Variants in CTDSPL2 observed in about 807,000 individuals in gnomAD.
The protein encoded by CTDSPL2 is CTD small phosphatase-like protein 2.
Under a neutral mutation model 60.0 loss-of-function variants are expected in CTDSPL2, and 5 were observed. The ratio of observed to expected loss-of-function variants is 0.08; its 90% CI spans 0.04 to 0.18. The LOEUF is 0.18. Among genes scored for constraint, CTDSPL2 ranks in the 10% least tolerant of loss-of-function variants. The probability of loss-of-function intolerance (pLI) is 1.00; values close to 1 mark genes in which losing one functional copy is unlikely to be tolerated. For missense variants in CTDSPL2, 370 were observed against 548.8 expected (o/e 0.67, Z 3.26); for synonymous variants, 186 against 189.3 (o/e 0.98, Z 0.14).
At chr15:44,512,231 G>A (rs559485420) in intron 8 of CTDSPL2, among the ~76,000 whole-genome samples, 8 of 152,060 alleles carry the variant, frequency 5.3e-5, no homozygotes, top group African/African-American at 1.7e-4. Flanking sequence ...AACTTTTTGA[G>A]CACTGACATG....
intron 2 of CTDSPL2, among the ~76,000 whole-genome samples, chr15:44,462,700 CTTTTTT>C (rs554319789): frequency 5.9e-4 from 49 of 83,744 alleles, no homozygotes; most frequent in African/African-American, 2.7e-3. Context: ...ACACTCAGGA[CTTTTTT>C]TTTTTTTTTT....
At chr15:44,484,461 G>A (rs2140785061) in intron 3 of CTDSPL2, 99 bp downstream of exon 3, 1 of 1,156,046 alleles carries the variant, frequency 8.7e-7, no homozygotes, top group East Asian at 2.6e-5. Context: ...GAGGCCGGGT[G>A]CAGTGGCTCA....
At chr15:44,430,472 C>G (rs2079834438) in intron 1 of CTDSPL2, among the ~76,000 whole-genome samples, 1 of 151,890 alleles carries the variant, frequency 6.6e-6, no homozygotes, top group South Asian at 2.1e-4. Context: ...CTTTGCAACT[C>G]CTGGCTACAA....
Position 44,523,443 on chromosome 15 carries a change from CATAA to C in CTDSPL2, c.1336-665_1336-662del, listed in dbSNP as rs753342192. Among the ~76,000 whole-genome samples the C allele has an allele frequency of 2.4e-5, 3 of 126,784 alleles. No homozygotes were observed. In the Admixed American group the frequency reaches 2.5e-4, roughly 11 times the overall value. 83.2% of individuals were successfully genotyped at this position (126,784 alleles called of 152,430 possible). On this transcript the variant is annotated intron_variant, in intron 12 of 12. Coordinates refer to ENST00000260327, the MANE Select transcript of CTDSPL2 (RefSeq NM_016396.3). ...ACATACATACATACATACATACATA[CATAA>C]GCAAGCAAGCTTGCTGGGCATTGTG...
In CTDSPL2 at chr15:44,525,011, A is replaced by G. The variant is rs531595295; in HGVS notation, c.*837A>G. On this transcript the variant is annotated 3_prime_UTR_variant, in exon 13 of 13. Coordinates refer to ENST00000260327, the MANE Select transcript of CTDSPL2 (RefSeq NM_016396.3). ...TATTCTCAAATGGTAATATCTTGCA[A>G]TGGCACACAGATTTAATGGATAAAG... 13 of 170,028 alleles carry G rather than the reference A, an allele frequency of 7.6e-5. No homozygotes were observed. The highest frequency in any genetic ancestry group is 2.8e-3 in the Middle Eastern group (1 of 362). 10.5% of individuals were successfully genotyped at this position (170,028 alleles called of 1,614,324 possible).
chr15:44,483,000 C>T (rs146875672), intron 2 of CTDSPL2, among the ~76,000 whole-genome samples: 4,068 of 152,108 alleles, frequency 0.027, 90 homozygotes, highest in East Asian at 0.098. Flanking sequence ...GTGGCTCATG[C>T]CTGTAATCCC....
chr15:44,506,775 CTTT>C, intron 8 of CTDSPL2, among the ~76,000 whole-genome samples: 1 of 149,892 alleles, frequency 6.7e-6, no homozygotes, highest in African/African-American at 2.4e-5. Context: ...TTTGCAGGAA[CTTT>C]TTTTTTGAGA....
At position 44,462,700 on chromosome 15, in the gene CTDSPL2, CTT is replaced by C. The variant is rs554319789; in HGVS notation, c.186+3523_186+3524del. ...GACTCTTGAACTAGAACACTCAGGA[CTT>C]TTTTTTTTTTTTTTTTTTTTTTGAG... On this transcript the variant is annotated intron_variant, in intron 2 of 12. Coordinates refer to ENST00000260327, the MANE Select transcript of CTDSPL2 (RefSeq NM_016396.3). Among the ~76,000 whole-genome samples the C allele has an allele frequency of 6.7e-3, 561 of 83,654 alleles. 2 individuals carry two copies. Among genetic ancestry groups the C allele is most frequent in the African/African-American group, 0.031 (527 of 16,962 alleles). 54.9% of individuals were successfully genotyped at this position (83,654 alleles called of 152,430 possible).
chr15:44,505,474 C>T (rs953281272), intron 8 of CTDSPL2, among the ~76,000 whole-genome samples: 1 of 151,922 alleles, frequency 6.6e-6, no homozygotes, highest in Non-Finnish European at 1.5e-5. Context: ...TGGCTCACAC[C>T]TCTAATCCCA....
At chr15:44,448,880 C>T (rs1431402565) in intron 1 of CTDSPL2, 1 of 412,286 alleles carries the variant, frequency 2.4e-6, no homozygotes, top group Admixed American at 3.6e-5. Context: ...AGCAGTTGGC[C>T]ATTGAATGTA....
intron 2 of CTDSPL2, among the ~76,000 whole-genome samples, chr15:44,472,404 C>T (rs75523882): frequency 0.047 from 7,137 of 152,108 alleles, 323 homozygotes; most frequent in East Asian, 0.23. Context: ...AGCAGTATGT[C>T]GTAGTTTTGA....
intron 2 of CTDSPL2, among the ~76,000 whole-genome samples, chr15:44,482,995 T>TA (rs371593929): frequency 0.027 from 4,064 of 152,236 alleles, 90 homozygotes; most frequent in East Asian, 0.097. Flanking sequence ...GTGCTGTGGC[T>TA]CATGCCTGTA....
At chr15:44,465,908 T>C (rs2080677342) in intron 2 of CTDSPL2, among the ~76,000 whole-genome samples, 1 of 149,486 alleles carries the variant, frequency 6.7e-6, no homozygotes, top group African/African-American at 2.5e-5. Flanking sequence ...AGAGACAGGG[T>C]TTCACCATAT....
chr15:44,477,475 C>T (rs1445933087), intron 2 of CTDSPL2, among the ~76,000 whole-genome samples: 2 of 151,082 alleles, frequency 1.3e-5, no homozygotes, highest in Non-Finnish European at 2.9e-5. Context: ...GTCAGGGCTG[C>T]AGTTAGCTAA....
chr15:44,444,836 GTTTTTTTTTTTTTTTT>G (rs35160726), intron 1 of CTDSPL2, among the ~76,000 whole-genome samples: 54 of 69,616 alleles, frequency 7.8e-4, no homozygotes, highest in African/African-American at 2.2e-3. Context: ...ATGGAATGTA[GTTTTTTTTTTTTTTTT>G]TTTTTTTTTT....
intron 8 of CTDSPL2, among the ~76,000 whole-genome samples, chr15:44,505,715 C>T (rs1014280918): frequency 7.1e-6 from 1 of 140,696 alleles, no homozygotes; most frequent in East Asian, 2.1e-4. Context: ...GGCTGGGCAA[C>T]AGAGCGAGAC....
chr15:44,460,885 C>T (rs751848738), intron 2 of CTDSPL2, among the ~76,000 whole-genome samples: 2 of 152,146 alleles, frequency 1.3e-5, no homozygotes, highest in African/African-American at 4.8e-5. Context: ...AATGGGTTGT[C>T]ATCAGCCTCT....
chr15:44,463,257 T>G (rs2080612864), intron 2 of CTDSPL2, among the ~76,000 whole-genome samples: 1 of 152,162 alleles, frequency 6.6e-6, no homozygotes, highest in African/African-American at 2.4e-5. Context: ...TTCTCCTGCC[T>G]CAGCCTCCCG....
chr15:44,511,949 G>A (rs903458535), intron 8 of CTDSPL2, among the ~76,000 whole-genome samples: 2 of 151,586 alleles, frequency 1.3e-5, no homozygotes, highest in African/African-American at 4.9e-5. Flanking sequence ...CAGCACTTTG[G>A]GAGGCCAAGG....
Sources: allele counts gnomAD v4.1 joint callset (sites outside exome capture counted in the v4.1 genomes callset), GRCh38; gene constraint gnomAD v4.1.1; transcripts MANE v1.5; gene names NCBI Gene and HGNC (gene_info 2026-07-23, HGNC 2026-07-21).